Variants in CSMD1 observed in about 807,000 individuals in gnomAD.
CSMD1 encodes the protein CUB and Sushi multiple domains 1.
In CSMD1, 213 loss-of-function variants were observed where a neutral mutation model predicts 417.5. That is an observed-to-expected ratio of 0.51 (90% CI 0.46 to 0.57). The LOEUF (loss-of-function observed/expected upper bound fraction) is 0.57. CSMD1 is among the 20% of genes least tolerant of loss of function. CSMD1 has a pLI of 0.00. For synonymous variants in CSMD1, 2,862 were observed against 1,736.8 expected (o/e 1.65, Z -16.11); for missense variants, 6,923 against 4,529.7 (o/e 1.53, Z -15.17).
chr8:3,283,823 C>T (rs1802927515), intron 26 of CSMD1, among the ~76,000 whole-genome samples: 2 of 152,226 alleles, frequency 1.3e-5, no homozygotes, highest in South Asian at 2.1e-4. Flanking sequence ...TACTTCTGCA[C>T]GACTATACAT....
chr8:4,492,689 T>C (rs1293283803), intron 2 of CSMD1, among the ~76,000 whole-genome samples: 1 of 152,178 alleles, frequency 6.6e-6, no homozygotes, highest in Non-Finnish European at 1.5e-5. Context: ...AAAAGGATTT[T>C]TGAGAATGAG....
At chr8:4,388,183 G>C (rs894413581) in intron 3 of CSMD1, among the ~76,000 whole-genome samples, 1 of 152,086 alleles carries the variant, frequency 6.6e-6, no homozygotes, top group Non-Finnish European at 1.5e-5. Context: ...CTACCCAGAG[G>C]AAAAGAAGTC....
At chr8:4,336,519 A>G (rs1218577865) in intron 3 of CSMD1, among the ~76,000 whole-genome samples, 1 of 152,120 alleles carries the variant, frequency 6.6e-6, no homozygotes, top group Non-Finnish European at 1.5e-5. Flanking sequence ...CCTGGCCAAT[A>G]ACGTGTTCGA....
chr8:4,186,906 G>C (rs551935396), intron 3 of CSMD1, among the ~76,000 whole-genome samples: 63 of 152,020 alleles, frequency 4.1e-4, no homozygotes, highest in African/African-American at 1.4e-3. Flanking sequence ...TGAGGCAGGA[G>C]AATCACCTGA....
intron 3 of CSMD1, among the ~76,000 whole-genome samples, chr8:4,290,359 A>G (rs894185611): frequency 6.6e-6 from 1 of 152,192 alleles, no homozygotes; most frequent in African/African-American, 2.4e-5. Flanking sequence ...TGACATCTGA[A>G]TGGAGGGAGA....
At chr8:3,430,616 G>C (rs1055595773) in intron 12 of CSMD1, among the ~76,000 whole-genome samples, 4 of 152,106 alleles carry the variant, frequency 2.6e-5, no homozygotes, top group Non-Finnish European at 4.4e-5. Flanking sequence ...AGACCAGCCT[G>C]TCCAAAATGG....
chr8:4,669,404 C>T (rs747482105), intron 1 of CSMD1, among the ~76,000 whole-genome samples: 2 of 152,200 alleles, frequency 1.3e-5, no homozygotes, highest in African/African-American at 2.4e-5. Context: ...GATTTCTCCT[C>T]ATTTGAGAAA....
At chr8:4,268,500 T>A (rs1343058804) in intron 3 of CSMD1, among the ~76,000 whole-genome samples, 2 of 152,166 alleles carry the variant, frequency 1.3e-5, no homozygotes, top group African/African-American at 4.8e-5. Context: ...TTTGTAGTAT[T>A]TAGAGAAACA....
intron 3 of CSMD1, among the ~76,000 whole-genome samples, chr8:4,218,989 A>G (rs1404857781): frequency 6.6e-6 from 1 of 152,188 alleles, no homozygotes; most frequent in African/African-American, 2.4e-5. Flanking sequence ...CCCGGTGTAC[A>G]GCAATTACAC....
chr8:3,110,387 T>A, intron 42 of CSMD1, 52 bp from the exon 43 acceptor site: 2 of 1,443,774 alleles, frequency 1.4e-6, no homozygotes, highest in Non-Finnish European at 1.8e-6. Flanking sequence ...TTTTAGAGAG[T>A]AGAAAGCTAA....
intron 48 of CSMD1, 96 bp from the exon 49 acceptor site, chr8:3,087,381 A>T (rs1408981281): frequency 1.6e-6 from 2 of 1,289,344 alleles, no homozygotes; most frequent in Non-Finnish European, 2.2e-6. Context: ...ATGGCTTCTC[A>T]TTTCCAAAAG....
intron 3 of CSMD1, among the ~76,000 whole-genome samples, chr8:4,263,255 G>C (rs28446434): frequency 0.014 from 2,158 of 152,158 alleles, 43 homozygotes; most frequent in African/African-American, 0.048. Flanking sequence ...AAATCTGTAA[G>C]CTGAAAGGTT....
chr8:4,761,793 T>C (rs1023361631), intron 1 of CSMD1, among the ~76,000 whole-genome samples: 7 of 152,228 alleles, frequency 4.6e-5, no homozygotes, highest in African/African-American at 1.7e-4. Context: ...CTTAATATTG[T>C]GAATAAACCT....
intron 50 of CSMD1, among the ~76,000 whole-genome samples, chr8:3,033,414 T>C (rs1324451272): frequency 2.0e-5 from 3 of 152,090 alleles, no homozygotes; most frequent in Admixed American, 6.6e-5. Context: ...GTAGTATCAA[T>C]TGTATTGCTA....
chr8:4,780,562 A>G (rs1563365974), intron 1 of CSMD1, among the ~76,000 whole-genome samples: 1 of 150,732 alleles, frequency 6.6e-6, no homozygotes, highest in African/African-American at 2.4e-5. Flanking sequence ...TGTAATTATT[A>G]TTATTTATAT....
chr8:3,898,015 C>A (rs918682338), intron 5 of CSMD1, among the ~76,000 whole-genome samples: 1 of 152,076 alleles, frequency 6.6e-6, no homozygotes, highest in Non-Finnish European at 1.5e-5. Context: ...TGCCCAGATC[C>A]CCAGTTTGAC....
At chr8:4,230,095 G>T (rs1025922755) in intron 3 of CSMD1, among the ~76,000 whole-genome samples, 2 of 152,244 alleles carry the variant, frequency 1.3e-5, no homozygotes, top group Middle Eastern at 3.4e-3. Context: ...TAGACTACAA[G>T]CCTTATAAAC....
intron 25 of CSMD1, 147 bp downstream of exon 25, chr8:3,307,548 C>CCAA: frequency 1.1e-6 from 1 of 900,688 alleles, no homozygotes. Context: ...AGCAAGTGAG[C>CCAA]CAACAAAACT....
chr8:4,066,044 A>T (rs539911504), intron 3 of CSMD1, among the ~76,000 whole-genome samples: 1 of 152,304 alleles, frequency 6.6e-6, no homozygotes, highest in East Asian at 1.9e-4. Context: ...AGCCCTAAGA[A>T]AGGAATGGGA....
Sources: allele counts gnomAD v4.1 joint callset (sites outside exome capture counted in the v4.1 genomes callset), GRCh38; gene constraint gnomAD v4.1.1; transcripts MANE v1.5; gene names NCBI Gene and HGNC (gene_info 2026-07-23, HGNC 2026-07-21).